The following PAXBP1 variants were observed in gnomAD, a reference collection of about 807,000 sequenced individuals.
The protein encoded by PAXBP1 is PAX3 and PAX7 binding protein 1.
A neutral mutation model predicts 119.9 loss-of-function variants in PAXBP1; 44 were observed. The ratio of observed to expected loss-of-function variants is 0.37; its 90% CI spans 0.29 to 0.47. PAXBP1 has a LOEUF of 0.47. Ranked by LOEUF, PAXBP1 falls within the 20% of genes least tolerant of loss-of-function variation. The pLI, the probability that PAXBP1 is intolerant of heterozygous loss-of-function variation, is 0.99. For missense variants in PAXBP1, 898 were observed against 1,134.1 expected, an observed-to-expected ratio of 0.79 and a Z score of 2.99; for synonymous variants, 393 against 406.6, an observed-to-expected ratio of 0.97 and a Z score of 0.40.
chr21:32,738,603 G>A (rs1032307814), intron 15 of PAXBP1, among the ~76,000 whole-genome samples: 1 of 152,128 alleles, frequency 6.6e-6, no homozygotes, highest in Non-Finnish European at 1.5e-5. Context: ...CTATCAGGGA[G>A]TGCTGAGTCT....
intron 8 of PAXBP1, 152 bp downstream of exon 8, chr21:32,755,078 G>A (rs2044021938): frequency 1.1e-6 from 1 of 880,476 alleles, no homozygotes; most frequent in Non-Finnish European, 1.6e-6. Flanking sequence ...AGTACATGCT[G>A]TTACCATTTT....
intron 8 of PAXBP1, among the ~76,000 whole-genome samples, chr21:32,753,974 A>C (rs1468608317): frequency 6.6e-6 from 1 of 152,230 alleles, no homozygotes; most frequent in Non-Finnish European, 1.5e-5. Flanking sequence ...GTCTGGATCA[A>C]AAGTGATCTG....
At chr21:32,756,014 C>T (rs1370111823) in intron 7 of PAXBP1, 3 of 208,090 alleles carry the variant, frequency 1.4e-5, no homozygotes, top group South Asian at 6.5e-5. Flanking sequence ...AAAAGTTGTT[C>T]TCTTCCTGTC....
chr21:32,771,715 C>T lies in PAXBP1; in HGVS notation c.-47G>A. The T allele has an allele frequency of 7.5e-7, 1 of 1,334,040 alleles. No individual in the cohort carries two copies. The highest frequency in any genetic ancestry group is 9.6e-7 in the Non-Finnish European group (1 of 1,040,722). 82.6% of individuals were successfully genotyped at this position (1,334,040 alleles called of 1,614,324 possible). A position where few individuals can be genotyped will look rare whatever the true frequency, so the allele number is the denominator to read the frequency against. ...CGAATACTCGCTTCCACACCGCGGCCCCGGCAGCGCCGAGCTCGTGACGGC... is the reference window on the plus strand; with the variant it reads ...CGAATACTCGCTTCCACACCGCGGCTCCGGCAGCGCCGAGCTCGTGACGGC... On this transcript the variant is annotated 5_prime_UTR_variant, in exon 1 of 18. Coordinates refer to ENST00000331923, the MANE Select transcript of PAXBP1 (RefSeq NM_016631.4).
At chr21:32,753,113 T>C (rs916154391) in intron 8 of PAXBP1, among the ~76,000 whole-genome samples, 3 of 152,116 alleles carry the variant, frequency 2.0e-5, no homozygotes, top group South Asian at 2.1e-4. Flanking sequence ...TATCCCAAAC[T>C]ATAAAAATAA....
At chr21:32,753,336 G>T (rs529128946) in intron 8 of PAXBP1, among the ~76,000 whole-genome samples, 34 of 140,836 alleles carry the variant, frequency 2.4e-4, no homozygotes, top group African/African-American at 8.7e-4. Flanking sequence ...TGAGGCAGGA[G>T]AATTGCTTGA....
intron 8 of PAXBP1, chr21:32,751,420 A>C: frequency 2.1e-6 from 1 of 485,634 alleles, no homozygotes; most frequent in Non-Finnish European, 3.7e-6. Flanking sequence ...TAGAAAAATT[A>C]AAGAAGTGAT....
chr21:32,735,204 G>A, intron 17 of PAXBP1, 137 bp from the exon 18 acceptor site: 1 of 625,964 alleles, frequency 1.6e-6, no homozygotes, highest in South Asian at 2.0e-5. Flanking sequence ...AAACAGATAT[G>A]CAAGCTACAG....
At chr21:32,762,047 A>G in intron 4 of PAXBP1, 49 bp downstream of exon 4, 1 of 1,599,334 alleles carries the variant, frequency 6.3e-7, no homozygotes, top group African/African-American at 1.3e-5. Context: ...CTTAAAACAA[A>G]CAAAAAAAGG....
intron 5 of PAXBP1, among the ~76,000 whole-genome samples, chr21:32,760,841 C>T (rs2044128237): frequency 6.6e-6 from 1 of 151,640 alleles, no homozygotes; most frequent in East Asian, 1.9e-4. Flanking sequence ...ATTCTGACTG[C>T]AAAAAGCCGA....
chr21:32,763,882 G>A (rs1244413118), intron 3 of PAXBP1, among the ~76,000 whole-genome samples: 1 of 151,844 alleles, frequency 6.6e-6, no homozygotes, highest in Non-Finnish European at 1.5e-5. Flanking sequence ...AGCTACTCAG[G>A]AGGCTGAGGC....
chr21:32,736,132 C>T (rs2043689339), intron 17 of PAXBP1, among the ~76,000 whole-genome samples: 1 of 152,138 alleles, frequency 6.6e-6, no homozygotes, highest in Non-Finnish European at 1.5e-5. Flanking sequence ...AAATGGCACA[C>T]ACTAAGAACA....
At chr21:32,770,562 C>CTTAAT (rs1334024279) in intron 1 of PAXBP1, among the ~76,000 whole-genome samples, 2 of 152,188 alleles carry the variant, frequency 1.3e-5, no homozygotes, top group African/African-American at 4.8e-5. Context: ...ATTTACAAAA[C>CTTAAT]TTAATTTCTT....
chr21:32,771,307 T>A lies in PAXBP1; in HGVS notation c.343+19A>T, dbSNP rs538448396. ...TCGGGGATGCGGCCGTCTAAGGGCGTCCGAAGCGCGCACTTTACCTTCCTC... is the reference window on the plus strand; with the variant it reads ...TCGGGGATGCGGCCGTCTAAGGGCGACCGAAGCGCGCACTTTACCTTCCTC... On this transcript the variant is annotated intron_variant, in intron 1 of 17. Coordinates refer to ENST00000331923, the MANE Select transcript of PAXBP1 (RefSeq NM_016631.4). The A allele has an allele frequency of 1.1e-5, 17 of 1,567,298 alleles. No homozygotes were observed. The highest frequency in any genetic ancestry group is 5.6e-5 in the African/African-American group (4 of 71,926).
At chr21:32,750,826 A>T in intron 10 of PAXBP1, 91 bp downstream of exon 10, 1 of 927,812 alleles carries the variant, frequency 1.1e-6, no homozygotes, top group Non-Finnish European at 1.7e-6. Context: ...TAATGCAGAG[A>T]CCATGAAGAT....
At position 32,744,861 on chromosome 21, in the gene PAXBP1, C is replaced by T; in HGVS notation, c.2121G>A (p.Met707Ile). ...TGATTAATTTTAGTGTAATTCCCAC[C>T]ATTCTTGAAGTCTGTGTTGTAGAAA... ...DPFSTTQTSR[M>I]VGITLKLING... is the part of the protein sequence containing the mutation. The change falls in exon 13 of 18, where the codon ATG (methionine) becomes ATA (isoleucine). Residue 707 changes from methionine (M) to isoleucine (I), a missense_variant. By Grantham distance (10) the Met-to-Ile change is conservative. Around this residue, in one of 2 missense-constraint regions of PAXBP1, gnomAD observed 599 missense variants for 852.7 expected, o/e 0.70. Coordinates refer to ENST00000331923, the MANE Select transcript of PAXBP1 (RefSeq NM_016631.4). The T allele has an allele frequency of 6.2e-7, 1 of 1,606,344 alleles. No homozygotes were observed. Among genetic ancestry groups the T allele is most frequent in the East Asian group, 2.2e-5 (1 of 44,508 alleles).
intron 8 of PAXBP1, among the ~76,000 whole-genome samples, chr21:32,754,624 A>T (rs2044014240): frequency 6.6e-6 from 1 of 152,264 alleles, no homozygotes; most frequent in South Asian, 2.1e-4. Context: ...ATCCATTTGT[A>T]TACAAAATTT....
chr21:32,743,392 T>C, intron 14 of PAXBP1, 78 bp from the exon 15 acceptor site: 1 of 992,842 alleles, frequency 1.0e-6, no homozygotes, highest in Middle Eastern at 2.3e-4. Context: ...ACAAAAGATT[T>C]TTCTACAAAA....
At chr21:32,768,633 T>A (rs1254405743) in intron 2 of PAXBP1, among the ~76,000 whole-genome samples, 1 of 152,204 alleles carries the variant, frequency 6.6e-6, no homozygotes, top group Non-Finnish European at 1.5e-5. Context: ...GCCCTTGAGT[T>A]TAAACTGCTT....
Sources: allele counts gnomAD v4.1 joint callset (sites outside exome capture counted in the v4.1 genomes callset), GRCh38; gene constraint gnomAD v4.1.1; regional missense constraint gnomAD v4.1.1; transcripts MANE v1.5; gene names NCBI Gene and HGNC (gene_info 2026-07-23, HGNC 2026-07-21).